FAM83E: variants seen among roughly 807,000 people sequenced by gnomAD.
FAM83E encodes the protein scaffolding CK1 anchoring protein E.
A neutral mutation model predicts 34.3 loss-of-function variants in FAM83E; 29 were observed. The observed-to-expected ratio is 0.85, with a 90% CI of 0.63 to 1.15. FAM83E has a LOEUF of 1.15. Ranked by LOEUF, FAM83E falls within the 50% of genes most tolerant of loss-of-function variation. The pLI, the probability that FAM83E is intolerant of heterozygous loss-of-function variation, is 0.00. For synonymous variants in FAM83E, 312 were observed against 311.6 expected (o/e 1.00, Z -0.01); for missense variants, 697 against 685.0 (o/e 1.02, Z -0.20).
At chr19:48,601,814 T>G (rs1601121004) in intron 6 of FAM83E, among the ~76,000 whole-genome samples, 1 of 131,468 alleles carries the variant, frequency 7.6e-6, no homozygotes, top group East Asian at 2.3e-4. Flanking sequence ...TGGAAGGAGA[T>G]GGTGGAGGAG....
In FAM83E at chr19:48,610,836, C is replaced by T. The variant is rs1410866602; in HGVS notation, c.477G>A (p.Val159=). The change falls in exon 4 of 7, where the codon GTG becomes GTA. Residue 159 remains valine, a synonymous_variant. Coordinates refer to ENST00000263266, the MANE Select transcript of FAM83E (RefSeq NM_017708.4). ...CTGGGTCAGTGAAGACGTCCATGAC[C>T]ACGGCCACCAGCTGGGCATGGGGAG... ...EIQAAHKLVA[V]VMDVFTDPDL... 14 of 1,593,888 alleles carry T rather than the reference C, an allele frequency of 8.8e-6. No homozygotes were observed. In the South Asian group the frequency reaches 1.4e-4, roughly 16 times the overall value.
Position 48,600,151 on chromosome 19 carries a change from G to A in FAM83E, c.*958C>T, listed in dbSNP as rs1346348897. 2.0e-5 allele frequency among the ~76,000 whole-genome samples: 3 copies of A among 152,096 alleles called. No individual in the cohort carries two copies. The highest frequency in any genetic ancestry group is 2.9e-5 in the Non-Finnish European group (2 of 68,016). On this transcript the variant is annotated 3_prime_UTR_variant, in exon 7 of 7. Transcript: ENST00000263266. ...TCCTGAACACAGTGTGCCTGGCAGC[G>A]ACTCCCCATCTTCCCCTCCACAGCT...
rs748872018 is a variant in FAM83E at position 48,614,982 on chromosome 19, C to T, written c.-1433G>A. 3.3e-5 allele frequency: 7 copies of T among 209,032 alleles called. No individual in the cohort carries two copies. The highest frequency in any genetic ancestry group is 2.1e-3 in the Middle Eastern group (1 of 466). 12.9% of individuals were successfully genotyped at this position (209,032 alleles called of 1,614,324 possible). A position where few individuals can be genotyped will look rare whatever the true frequency, so the allele number is the denominator to read the frequency against. On this transcript the variant is annotated 5_prime_UTR_variant, in exon 1 of 7. Transcript: ENST00000263266. Reference sequence around the variant, plus strand: ...AACGCCCCTCTAGACTCAGGCTTCCCGGTCCCCGGGGGGTTGAGATTGCCT... The same window carrying T: ...AACGCCCCTCTAGACTCAGGCTTCCTGGTCCCCGGGGGGTTGAGATTGCCT...
intron 5 of FAM83E, among the ~76,000 whole-genome samples, chr19:48,604,560 G>A (rs1221770014): frequency 6.7e-6 from 1 of 150,256 alleles, no homozygotes; most frequent in African/African-American, 2.4e-5. Context: ...TCGAACCCCT[G>A]ACCTCAGGTG....
intron 3 of FAM83E, among the ~76,000 whole-genome samples, chr19:48,611,168 T>G (rs1404040687): frequency 4.6e-5 from 7 of 151,250 alleles, no homozygotes; most frequent in African/African-American, 1.5e-4. Flanking sequence ...TTGTTGTTTT[T>G]TGTTGTTTTT....
intron 3 of FAM83E, among the ~76,000 whole-genome samples, chr19:48,611,869 C>T (rs2147648660): frequency 6.6e-6 from 1 of 152,282 alleles, no homozygotes; most frequent in East Asian, 1.9e-4. Context: ...TGGTGGATGT[C>T]CCGTAGGGCA....
At chr19:48,607,104 CGA>C (rs1973945348) in intron 5 of FAM83E, 1 of 1,613,040 alleles carries the variant, frequency 6.2e-7, no homozygotes, top group Non-Finnish European at 8.5e-7. Flanking sequence ...TGCACTGTGG[CGA>C]TGACGAGGAC....
In FAM83E at chr19:48,610,732, G is replaced by C. The variant is rs776135069; in HGVS notation, c.581C>G (p.Pro194Arg). 3.2e-6 allele frequency: 5 copies of C among 1,586,524 alleles called. No homozygotes were observed. In the African/African-American group the frequency reaches 5.4e-5, roughly 17 times the overall value. The change falls in exon 4 of 7, where the codon CCT becomes CGT. Residue 194 changes from proline (P) to arginine (R), a missense_variant. Transcript: ENST00000263266. ...VYLLLDRQQLPAFLELAQQLG... is the reference protein window; with the variant it reads ...VYLLLDRQQLRAFLELAQQLG... Reference sequence around the variant, plus strand: ...CTGCTGGGCCAGTTCCAGGAAGGCAGGCAGCTGCTGGCGGTCCAGGAGCAG... The same window carrying C: ...CTGCTGGGCCAGTTCCAGGAAGGCACGCAGCTGCTGGCGGTCCAGGAGCAG...
Position 48,614,620 on chromosome 19 carries a change from G to A in FAM83E, c.-1248C>T. The A allele has an allele frequency of 1.0e-6, 1 of 986,134 alleles. No homozygotes were observed. Among genetic ancestry groups the A allele is most frequent in the Non-Finnish European group, 1.2e-6 (1 of 830,534 alleles). 61.1% of individuals were successfully genotyped at this position (986,134 alleles called of 1,614,324 possible). On this transcript the variant is annotated 5_prime_UTR_variant, in exon 3 of 7. Transcript: ENST00000263266. ...AGGCCGCTGCTTCCTCCAGACCACA[G>A]CAGGGAGCTGCAAAGAGAAGAAAGG...
At position 48,603,538 on chromosome 19, in the gene FAM83E, T is replaced by C; in HGVS notation, c.1132A>G (p.Ser378Gly). 33 of 1,569,408 alleles carry C rather than the reference T, an allele frequency of 2.1e-5. No homozygotes were observed. Among genetic ancestry groups the C allele is most frequent in the Non-Finnish European group, 2.8e-5 (33 of 1,165,796 alleles). ...GAGCCAGACAGCTGGGACAGGCGGC[T>C]TAGGTCCCACATGGAGCGGCTGGGC... is the stretch of plus-strand genomic sequence containing the variant. ...ARPSRSMWDL[S>G]RLSQLSGSSD... Residue 378 changes from serine to glycine, a missense_variant, in exon 6 of 7, where the codon AGC becomes GGC. Ser to Gly is a moderately conservative substitution (Grantham distance 56, BLOSUM62 0). Transcript: ENST00000263266.
chr19:48,607,340 C>T (rs1443486821), intron 5 of FAM83E: 1 of 1,590,506 alleles, frequency 6.3e-7, no homozygotes. Context: ...CTGCTTCCTC[C>T]ACGTTTGCTG....
At chr19:48,602,704 A>ATATAT (rs1392056834) in intron 6 of FAM83E, among the ~76,000 whole-genome samples, 4 of 27,478 alleles carry the variant, frequency 1.5e-4, no homozygotes, top group Non-Finnish European at 2.5e-4. Flanking sequence ...AAAAAAAAAA[A>ATATAT]ATATATATAT....
intron 5 of FAM83E, chr19:48,607,343 G>C: frequency 6.3e-7 from 1 of 1,588,728 alleles, no homozygotes. Context: ...CTTCCTCCAC[G>C]TTTGCTGTGA....
In FAM83E at chr19:48,613,008, C is replaced by T; in HGVS notation, c.365G>A (p.Trp122Ter). Residue 122 changes from tryptophan (W) to a stop codon, truncating the protein, a stop_gained, in exon 3 of 7, where the codon TGG becomes TAG. Coordinates refer to ENST00000263266, the MANE Select transcript of FAM83E (RefSeq NM_017708.4). LOFTEE classifies it high-confidence loss of function. ...CAGCTGCGCCCGGGTGATGCCTTTC[C>T]ACGCAGAGTCCACTGGCCAGCCCAG... ...LRLGWPVDSA[W>*]KGITRAQLYT... 6.2e-7 allele frequency: 1 copy of T among 1,604,808 alleles called. No individual in the cohort carries two copies. Among genetic ancestry groups the T allele is most frequent in the Non-Finnish European group, 8.5e-7 (1 of 1,176,714 alleles).
At position 48,612,946 on chromosome 19, in the gene FAM83E, T is replaced by C. The variant is rs1974071957; in HGVS notation, c.427A>G (p.Lys143Glu). Residue 143 changes from lysine (K) to glutamate (E), a missense_variant, in exon 3 of 7, where the codon AAG (lysine) becomes GAG (glutamate). Lys to Glu is a moderately conservative substitution (Grantham distance 56). Transcript: ENST00000263266. ...TGGATCTCCAGCCGCACCAGCTCCTTGAGGGGCGGCTGACCCTCTCCAGGA... is the reference window on the plus strand; with the variant it reads ...TGGATCTCCAGCCGCACCAGCTCCTCGAGGGGCGGCTGACCCTCTCCAGGA... ...QPPGEGQPPLKELVRLEIQAA... is the reference protein window; with the variant it reads ...QPPGEGQPPLEELVRLEIQAA... The C allele has an allele frequency of 1.3e-6, 2 of 1,586,252 alleles. No homozygotes were observed. Among genetic ancestry groups the C allele is most frequent in the East Asian group, 4.6e-5 (2 of 43,562 alleles).
chr19:48,607,503 C>T (rs904316742), intron 5 of FAM83E: 25 of 1,104,948 alleles, frequency 2.3e-5, no homozygotes, highest in African/African-American at 1.3e-4. Context: ...ACCAGGAGCC[C>T]GGTGCTAGGG....
At chr19:48,604,322 A>ATTTTTTTTT (rs913336534) in intron 5 of FAM83E, among the ~76,000 whole-genome samples, 1 of 97,948 alleles carries the variant, frequency 1.0e-5, no homozygotes, top group Non-Finnish European at 1.9e-5. Flanking sequence ...TGACCCTGGG[A>ATTTTTTTTT]TTTTTTTTTT....
At chr19:48,611,658 G>A (rs1406495395) in intron 3 of FAM83E, among the ~76,000 whole-genome samples, 2 of 152,100 alleles carry the variant, frequency 1.3e-5, no homozygotes, top group Non-Finnish European at 2.9e-5. Flanking sequence ...AGTAGAGACG[G>A]GATTTCGCCA....
At chr19:48,607,259 G>A (rs759058207) in intron 5 of FAM83E, 23 of 1,607,500 alleles carry the variant, frequency 1.4e-5, no homozygotes, top group East Asian at 1.3e-4. Context: ...TGCACCGGCC[G>A]CCTGTGTAAC....
Sources: gnomAD v4.1 joint callset for allele counts (sites outside exome capture counted in the v4.1 genomes callset) on GRCh38, gnomAD v4.1.1 for gene constraint, MANE v1.5 for transcripts, NCBI Gene and HGNC (gene_info 2026-07-23, HGNC 2026-07-21) for gene names.